NAALADL2: variants seen among roughly 807,000 people sequenced by gnomAD.
NAALADL2 encodes the protein N-acetylated alpha-linked acidic dipeptidase like 2.
A neutral mutation model predicts 87.2 loss-of-function variants in NAALADL2; 76 were observed. That is an observed-to-expected ratio of 0.87 (90% confidence interval 0.72 to 1.05). The LOEUF (loss-of-function observed/expected upper bound fraction) is 1.05, where lower values mean the gene tolerates loss of function less well. Among genes scored for constraint, NAALADL2 ranks in the 50% least tolerant of loss-of-function variants. The pLI, the probability that NAALADL2 is intolerant of heterozygous loss-of-function variation, is 0.00. For synonymous variants in NAALADL2, 354 were observed against 331.0 expected (o/e 1.07, Z -0.75); for missense variants, 1,089 against 945.8 (o/e 1.15, Z -1.99).
At chr3:175,242,658 CTAATA>C (rs965216232) in intron 3 of NAALADL2, among the ~76,000 whole-genome samples, 86 of 152,226 alleles carry the variant, frequency 5.6e-4, no homozygotes, top group African/African-American at 1.9e-3. Flanking sequence ...GATTAACTGA[CTAATA>C]TAGAATATAG....
chr3:175,617,976 G>A (rs1454365283), intron 10 of NAALADL2, among the ~76,000 whole-genome samples: 1 of 152,112 alleles, frequency 6.6e-6, no homozygotes, highest in Admixed American at 6.5e-5. Flanking sequence ...GTCCTCCAAT[G>A]GTACTGCTGT....
chr3:175,509,769 C>T (rs964901743), intron 9 of NAALADL2, among the ~76,000 whole-genome samples: 3 of 152,074 alleles, frequency 2.0e-5, no homozygotes, highest in Admixed American at 6.6e-5. Flanking sequence ...CCCAGAGTGG[C>T]GCAGAGCTGG....
chr3:175,138,846 A>C (rs1489151381), intron 2 of NAALADL2, among the ~76,000 whole-genome samples: 1 of 142,956 alleles, frequency 7.0e-6, no homozygotes, highest in Non-Finnish European at 1.5e-5. Context: ...TGGGCAGATG[A>C]ATTGCACTAA....
chr3:175,741,998 T>G (rs774546805), intron 12 of NAALADL2, among the ~76,000 whole-genome samples: 1 of 152,198 alleles, frequency 6.6e-6, no homozygotes, highest in Non-Finnish European at 1.5e-5. Context: ...CATAAGTAGA[T>G]AAGAGACAAA....
At chr3:175,220,313 C>CAATT (rs35956013) in intron 2 of NAALADL2, among the ~76,000 whole-genome samples, 26,268 of 151,592 alleles carry the variant, frequency 0.17, 2,624 homozygotes, top group Admixed American at 0.28. Context: ...ATATGTAAAA[C>CAATT]AATCTAGAGG....
At position 175,364,231 on chromosome 3, in the gene NAALADL2, C is replaced by T. The variant is rs1193885748; in HGVS notation, c.1090+39906C>T. Reference sequence around the variant, plus strand: ...CTTTTCTTGGAAATATATAAAGGGTCCTAACTCATTTCTTTTATCTTAAGA... The same window carrying T: ...CTTTTCTTGGAAATATATAAAGGGTTCTAACTCATTTCTTTTATCTTAAGA... On this transcript the variant is annotated intron_variant, in intron 5 of 13. Transcript: ENST00000454872. Among the ~76,000 whole-genome samples the T allele has an allele frequency of 2.0e-5, 3 of 148,016 alleles. 1 individual carries two copies. Among genetic ancestry groups the T allele is most frequent in the Non-Finnish European group, 4.5e-5 (3 of 66,540 alleles).
intron 2 of NAALADL2, among the ~76,000 whole-genome samples, chr3:175,230,009 G>A (rs1022228887): frequency 5.3e-5 from 8 of 151,924 alleles, no homozygotes; most frequent in African/African-American, 1.4e-4. Context: ...GAATTGATTT[G>A]GGAACTCAGA....
intron 11 of NAALADL2, among the ~76,000 whole-genome samples, chr3:175,733,221 C>T (rs542670270): frequency 3.9e-5 from 6 of 152,208 alleles, no homozygotes; most frequent in Admixed American, 3.3e-4. Flanking sequence ...TTTCACACTG[C>T]TGATAAAGAC....
Position 175,718,195 on chromosome 3 carries a change from G to GTT in NAALADL2, c.1897-19084_1897-19083dup, listed in dbSNP as rs1244400650. On this transcript the variant is annotated intron_variant, in intron 11 of 13. Coordinates refer to ENST00000454872, the MANE Select transcript of NAALADL2 (RefSeq NM_207015.3). ...TGGAGGGGAAGGGGAAGGGCCTGTG[G>GTT]TTTTTTTTTTTTTTTTTTTTTTTTT... is the stretch of plus-strand genomic sequence containing the variant. 1.3e-3 allele frequency: 1,103 copies of GTT among 823,264 alleles called. 160 individuals are homozygous for GTT. In the African/African-American group the frequency reaches 0.021, roughly 16 times the overall value. The allele number at this position is 823,264 out of a possible 1,614,324, so 51.0% of individuals were successfully genotyped here.
At chr3:174,958,008 T>A (rs1741407408) in intron 1 of NAALADL2, among the ~76,000 whole-genome samples, 1 of 151,834 alleles carries the variant, frequency 6.6e-6, no homozygotes, top group African/African-American at 2.4e-5. Flanking sequence ...CTCTGACAGA[T>A]AAAAAACACA....
chr3:175,702,945 T>G (rs189750536), intron 11 of NAALADL2, among the ~76,000 whole-genome samples: 6 of 152,234 alleles, frequency 3.9e-5, no homozygotes, highest in Admixed American at 2.0e-4. Flanking sequence ...GAGTGAGATG[T>G]TTCTCATAAC....
chr3:175,674,747 AT>A (rs1560956678), intron 11 of NAALADL2, among the ~76,000 whole-genome samples: 1 of 152,166 alleles, frequency 6.6e-6, no homozygotes, highest in East Asian at 1.9e-4. Context: ...TATTTGTAAA[AT>A]AAAGTAAAAA....
At chr3:174,825,793 C>T (rs748678631) in intron 3 of NAALADL2, among the ~76,000 whole-genome samples, 4 of 152,030 alleles carry the variant, frequency 2.6e-5, no homozygotes, top group East Asian at 1.9e-4. Context: ...TTTGGGAGGC[C>T]GAGGTGGGCA....
intron 2 of NAALADL2, among the ~76,000 whole-genome samples, chr3:175,134,746 A>G (rs187102399): frequency 1.1e-3 from 172 of 152,256 alleles, no homozygotes; most frequent in African/African-American, 3.9e-3. Context: ...ATTCAAGACT[A>G]TCATCACTTT....
At chr3:174,966,706 C>T (rs1043812406) in intron 1 of NAALADL2, among the ~76,000 whole-genome samples, 1 of 152,102 alleles carries the variant, frequency 6.6e-6, no homozygotes, top group Non-Finnish European at 1.5e-5. Context: ...AAGTAACATA[C>T]ATTTGTAGAT....
At chr3:175,480,677 A>C (rs1357049193) in intron 9 of NAALADL2, among the ~76,000 whole-genome samples, 1 of 151,862 alleles carries the variant, frequency 6.6e-6, no homozygotes, top group Non-Finnish European at 1.5e-5. Flanking sequence ...CTTTATACAG[A>C]CTTCTAAAAT....
At chr3:175,377,669 C>T (rs1767305032) in intron 5 of NAALADL2, among the ~76,000 whole-genome samples, 1 of 152,132 alleles carries the variant, frequency 6.6e-6, no homozygotes, top group Admixed American at 6.5e-5. Context: ...GAAATGTGTC[C>T]TTTTCCTAAA....
At chr3:174,764,763 G>T (rs2109085076) in intron 3 of NAALADL2, among the ~76,000 whole-genome samples, 1 of 152,302 alleles carries the variant, frequency 6.6e-6, no homozygotes, top group South Asian at 2.1e-4. Context: ...TTTTGGGTTA[G>T]ATGAGAATAA....
intron 10 of NAALADL2, among the ~76,000 whole-genome samples, chr3:175,619,482 A>C (rs1044164404): frequency 1.3e-5 from 2 of 151,440 alleles, no homozygotes; most frequent in African/African-American, 4.9e-5. Context: ...AAAAAAAAAA[A>C]AAACAACTTA....
Sources: gnomAD v4.1 joint callset for allele counts (sites outside exome capture counted in the v4.1 genomes callset) on GRCh38, gnomAD v4.1.1 for gene constraint, MANE v1.5 for transcripts, NCBI Gene and HGNC (gene_info 2026-07-23, HGNC 2026-07-21) for gene names.